Variants in SDCCAG8 observed in about 807,000 individuals in gnomAD.
SDCCAG8 encodes serologically defined colon cancer antigen 8.
Under a neutral mutation model 101.8 loss-of-function variants are expected in SDCCAG8, and 74 were observed. That is an observed-to-expected ratio of 0.73 (90% CI 0.60 to 0.88). The LOEUF (loss-of-function observed/expected upper bound fraction) is 0.88. Among genes scored for constraint, SDCCAG8 ranks in the 40% least tolerant of loss-of-function variants. SDCCAG8 has a pLI of 0.00. For synonymous variants in SDCCAG8, 281 were observed against 292.9 expected (o/e 0.96, Z 0.41); for missense variants, 787 against 822.6 (o/e 0.96, Z 0.53).
chr1:243,447,941 A>G (rs2083058629), intron 16 of SDCCAG8, among the ~76,000 whole-genome samples: 1 of 152,190 alleles, frequency 6.6e-6, no homozygotes, highest in Non-Finnish European at 1.5e-5. Flanking sequence ...CATTTCTTAG[A>G]GGAGCTAAAT....
intron 16 of SDCCAG8, among the ~76,000 whole-genome samples, chr1:243,447,299 A>G (rs916253242): frequency 6.7e-6 from 1 of 149,726 alleles, no homozygotes; most frequent in Non-Finnish European, 1.5e-5. Flanking sequence ...CTTAAAAGGC[A>G]TTATGAATGT....
Position 243,267,242 on chromosome 1 carries a change from T to TAA in SDCCAG8, c.68-2850_68-2849dup, listed in dbSNP as rs36005780. ...TGGGCGACAGAGCGAGACTCCGTCT[T>TAA]AAAAAAAAAAAAAAGAAATATACAT... On this transcript the variant is annotated intron_variant, in intron 1 of 17. Coordinates refer to ENST00000366541, the MANE Select transcript of SDCCAG8 (RefSeq NM_006642.5). The TAA allele has an allele frequency of 5.7e-3, 927 of 162,838 alleles. 3 individuals are homozygous for TAA. The highest frequency in any genetic ancestry group is 0.024 in the Middle Eastern group (8 of 338). 10.1% of individuals were successfully genotyped at this position (162,838 alleles called of 1,614,324 possible). A position where few individuals can be genotyped will look rare whatever the true frequency, so the allele number is the denominator to read the frequency against.
At chr1:243,381,043 T>C (rs1573689252) in intron 13 of SDCCAG8, among the ~76,000 whole-genome samples, 2 of 152,202 alleles carry the variant, frequency 1.3e-5, no homozygotes, top group Admixed American at 6.5e-5. Flanking sequence ...TTTTTCAGTG[T>C]AGATCAGCTG....
At chr1:243,435,328 C>T (rs910179478) in intron 16 of SDCCAG8, among the ~76,000 whole-genome samples, 1 of 152,170 alleles carries the variant, frequency 6.6e-6, no homozygotes, top group Non-Finnish European at 1.5e-5. Flanking sequence ...CTTTCTTGAT[C>T]TCCAAAATGC....
intron 9 of SDCCAG8, among the ~76,000 whole-genome samples, chr1:243,317,411 C>T (rs769447415): frequency 1.3e-5 from 2 of 151,074 alleles, no homozygotes; most frequent in Non-Finnish European, 2.9e-5. Flanking sequence ...ACCTCTTCCT[C>T]CTGGGTTCAA....
At chr1:243,453,242 T>A (rs1188293032) in intron 16 of SDCCAG8, among the ~76,000 whole-genome samples, 1 of 152,136 alleles carries the variant, frequency 6.6e-6, no homozygotes, top group East Asian at 1.9e-4. Context: ...CAGGTGGGCA[T>A]CTGTCTCCAT....
chr1:243,385,975 C>T (rs2078260552), intron 13 of SDCCAG8, among the ~76,000 whole-genome samples: 1 of 152,122 alleles, frequency 6.6e-6, no homozygotes, highest in Non-Finnish European at 1.5e-5. Context: ...ATCTCAAAAA[C>T]ACCACCACCA....
At chr1:243,441,727 A>C (rs1224316496) in intron 16 of SDCCAG8, among the ~76,000 whole-genome samples, 1 of 152,226 alleles carries the variant, frequency 6.6e-6, no homozygotes, top group African/African-American at 2.4e-5. Flanking sequence ...GGAGTATCTT[A>C]ACATTGAGAT....
chr1:243,487,402 G>A (rs1276391714), intron 16 of SDCCAG8, among the ~76,000 whole-genome samples: 1 of 152,242 alleles, frequency 6.6e-6, no homozygotes, highest in East Asian at 1.9e-4. Flanking sequence ...GAGCAGCGAT[G>A]GCCTTAGGTA....
At position 243,286,397 on chromosome 1, in the gene SDCCAG8, C is replaced by T. The variant is rs564399164; in HGVS notation, c.546C>T (p.Ser182=). The T allele has an allele frequency of 6.2e-6, 10 of 1,613,810 alleles. No homozygotes were observed. The highest frequency in any genetic ancestry group is 1.7e-4 in the Middle Eastern group (1 of 6,060). The change falls in exon 5 of 18, where the codon TCC becomes TCT. Residue 182 remains serine (S), a splice_region_variant and synonymous_variant. Transcript: ENST00000366541. ...TLREQTLLDA[S]GNMHNSWITT... Reference sequence around the variant, plus strand: ...GGGAACAAACACTTCTGGATGCATCCGTGAGCATTATTTTAAATCATAAAT... The same window carrying T: ...GGGAACAAACACTTCTGGATGCATCTGTGAGCATTATTTTAAATCATAAAT...
intron 6 of SDCCAG8, among the ~76,000 whole-genome samples, chr1:243,294,743 C>T (rs1482594749): frequency 7.4e-6 from 1 of 134,574 alleles, no homozygotes; most frequent in African/African-American, 2.7e-5. Context: ...TTTCCCAAAG[C>T]GTCAAAAACA....
chr1:243,322,862 C>T lies in SDCCAG8; in HGVS notation c.1068+5969C>T, dbSNP rs12746994. Among the ~76,000 whole-genome samples the T allele has an allele frequency of 9.9e-3, 1,510 of 151,902 alleles. 11 individuals carry two copies. The highest frequency in any genetic ancestry group is 0.017 in the Non-Finnish European group (1,133 of 67,986). On this transcript the variant is annotated intron_variant, in intron 9 of 17. Transcript: ENST00000366541. ...TTAACAAAGCCACTTAATAGCCGGG[C>T]GCAGTGGCTCACGCCTGTAATCTCA...
chr1:243,441,793 A>G lies in SDCCAG8; in HGVS notation c.1985+15235A>G, dbSNP rs372825516. 1.3e-4 allele frequency among the ~76,000 whole-genome samples: 20 copies of G among 152,324 alleles called. No individual in the cohort carries two copies. In the South Asian group the frequency reaches 4.1e-3, roughly 32 times the overall value. ...AGGAGTCACAACTGTCATTGATCAT[A>G]ATTTATGACCCTTTCTAGACTTTCT... is the stretch of plus-strand genomic sequence containing the variant. On this transcript the variant is annotated intron_variant, in intron 16 of 17. Transcript: ENST00000366541.
chr1:243,429,309 A>G (rs1373870656), intron 16 of SDCCAG8, among the ~76,000 whole-genome samples: 1 of 152,212 alleles, frequency 6.6e-6, no homozygotes, highest in Non-Finnish European at 1.5e-5. Context: ...TGTATAACAC[A>G]TATAACATAT....
At chr1:243,354,570 C>T (rs894212275) in intron 12 of SDCCAG8, among the ~76,000 whole-genome samples, 16 of 152,220 alleles carry the variant, frequency 1.1e-4, no homozygotes, top group South Asian at 4.1e-4. Context: ...TAGTATTGTG[C>T]GAGAGTAACC....
chr1:243,432,536 A>T (rs984251039), intron 16 of SDCCAG8, among the ~76,000 whole-genome samples: 14 of 152,212 alleles, frequency 9.2e-5, no homozygotes, highest in East Asian at 1.9e-4. Flanking sequence ...TAAAAGTTTT[A>T]AAAAAATGGG....
chr1:243,429,954 C>T lies in SDCCAG8; in HGVS notation c.1985+3396C>T, dbSNP rs538410293. 4.6e-5 allele frequency among the ~76,000 whole-genome samples: 7 copies of T among 152,172 alleles called. No homozygotes were observed. The East Asian group carries it at 7.7e-4, about 17-fold the overall frequency. On this transcript the variant is annotated intron_variant, in intron 16 of 17. Transcript: ENST00000366541. ...CTGACCTGAGGTGATCCGCCTACCTCGGCGTCCTCTGGGATTACAGGCATG... is the reference window on the plus strand; with the variant it reads ...CTGACCTGAGGTGATCCGCCTACCTTGGCGTCCTCTGGGATTACAGGCATG...
intron 16 of SDCCAG8, among the ~76,000 whole-genome samples, chr1:243,463,861 A>C (rs1203343522): frequency 6.6e-6 from 1 of 151,986 alleles, no homozygotes; most frequent in Admixed American, 6.5e-5. Context: ...ATGGCCACAT[A>C]GACTGTTTAA....
intron 12 of SDCCAG8, among the ~76,000 whole-genome samples, chr1:243,357,850 G>C (rs1381852710): frequency 1.6e-4 from 24 of 152,154 alleles, no homozygotes; most frequent in Non-Finnish European, 3.5e-4. Flanking sequence ...GGAGCAAACA[G>C]ACTTTACAGT....
Sources: gnomAD v4.1 joint callset for allele counts (sites outside exome capture counted in the v4.1 genomes callset) on GRCh38, gnomAD v4.1.1 for gene constraint, MANE v1.5 for transcripts, NCBI Gene and HGNC (gene_info 2026-07-23, HGNC 2026-07-21) for gene names.